The following DPYSL2 variants were observed in gnomAD, a reference collection of about 807,000 sequenced individuals.
DPYSL2 encodes dihydropyrimidinase like 2.
In DPYSL2, 13 loss-of-function variants were observed where a neutral mutation model predicts 69.9. The ratio of observed to expected loss-of-function variants is 0.19; its 90% confidence interval spans 0.12 to 0.30. The LOEUF is 0.30. Ranked by LOEUF, DPYSL2 falls within the 10% of genes least tolerant of loss-of-function variation. The pLI, the probability that DPYSL2 is intolerant of heterozygous loss-of-function variation, is 1.00. For synonymous variants in DPYSL2, 326 were observed against 359.1 expected, an observed-to-expected ratio of 0.91 and a Z score of 1.04; for missense variants, 587 against 918.9, an observed-to-expected ratio of 0.64 and a Z score of 4.67.
At chr8:26,529,547 G>A (rs1800464372) in intron 1 of DPYSL2, among the ~76,000 whole-genome samples, 1 of 151,738 alleles carries the variant, frequency 6.6e-6, no homozygotes, top group African/African-American at 2.4e-5. Context: ...AAACTCCTGG[G>A]CTCAAGGGAT....
chr8:26,595,724 A>G (rs1801846551), intron 3 of DPYSL2, among the ~76,000 whole-genome samples: 1 of 152,180 alleles, frequency 6.6e-6, no homozygotes, highest in Non-Finnish European at 1.5e-5. Flanking sequence ...TGTAGGGCCT[A>G]CCATGCCCAG....
At chr8:26,599,002 A>T (rs963608079) in intron 3 of DPYSL2, among the ~76,000 whole-genome samples, 4 of 152,218 alleles carry the variant, frequency 2.6e-5, no homozygotes, top group African/African-American at 7.2e-5. Context: ...TTCTCTACCG[A>T]AAAGCTCACT....
At chr8:26,584,196 G>A (rs950167864) in intron 3 of DPYSL2, among the ~76,000 whole-genome samples, 12 of 152,158 alleles carry the variant, frequency 7.9e-5, no homozygotes, top group African/African-American at 2.7e-4. Flanking sequence ...TAGAGAATAT[G>A]GTTCTAAGGA....
intron 1 of DPYSL2, among the ~76,000 whole-genome samples, chr8:26,531,774 G>T (rs1800513825): frequency 1.3e-5 from 2 of 151,850 alleles, no homozygotes; most frequent in Admixed American, 6.6e-5. Context: ...GGTACATGAT[G>T]GTCAGCAGTA....
chr8:26,567,057 C>A (rs961758465), intron 1 of DPYSL2, among the ~76,000 whole-genome samples: 6 of 151,802 alleles, frequency 4.0e-5, no homozygotes, highest in African/African-American at 1.2e-4. Context: ...CCCACTCAGC[C>A]ATCCATCCAT....
intron 1 of DPYSL2, among the ~76,000 whole-genome samples, chr8:26,536,871 A>G (rs1272583853): frequency 6.6e-6 from 1 of 152,198 alleles, no homozygotes; most frequent in Non-Finnish European, 1.5e-5. Flanking sequence ...TTGCAGCTGT[A>G]TTGATGGGAA....
intron 1 of DPYSL2, among the ~76,000 whole-genome samples, chr8:26,529,274 ATCATCTATCT>A (rs1274319954): frequency 2.3e-5 from 3 of 131,882 alleles, no homozygotes; most frequent in East Asian, 4.4e-4. Context: ...CTATCTATCT[ATCATCTATCT>A]ATCTATCTAT....
At chr8:26,567,458 T>C (rs531592338) in intron 1 of DPYSL2, among the ~76,000 whole-genome samples, 4 of 152,350 alleles carry the variant, frequency 2.6e-5, no homozygotes, top group African/African-American at 4.8e-5. Flanking sequence ...TGTTTGCCTA[T>C]TACAGGCAAG....
chr8:26,563,758 G>C (rs1282774196), intron 1 of DPYSL2, among the ~76,000 whole-genome samples: 3 of 152,178 alleles, frequency 2.0e-5, no homozygotes, highest in Admixed American at 6.5e-5. Context: ...CTTGTAGAAG[G>C]TAACTTCCAT....
In DPYSL2 at chr8:26,558,973, C is replaced by T. The variant is rs141987415; in HGVS notation, c.355-22996C>T. ...TTATTTATTTTTTGAGACGGAGTCT[C>T]GCTCTGTCTCCCAGACTGGAGTGCA... On this transcript the variant is annotated intron_variant, in intron 1 of 13. Transcript: ENST00000521913. Among the ~76,000 whole-genome samples, 128 of 152,290 alleles carry T rather than the reference C, an allele frequency of 8.4e-4. 1 individual carries two copies. Among genetic ancestry groups the T allele is most frequent in the African/African-American group, 3.0e-3 (123 of 41,560 alleles).
rs1039481480 is a variant in DPYSL2 at position 26,605,451 on chromosome 8, C to T, written c.629-18692C>T. Among the ~76,000 whole-genome samples the T allele has an allele frequency of 8.6e-5, 13 of 151,902 alleles. No homozygotes were observed. The highest frequency in any genetic ancestry group is 2.7e-4 in the African/African-American group (11 of 41,328). Reference sequence around the variant, plus strand: ...GATTACATGCACCCACTACCACACCCAGCTAATTTTTATATTTTTAGTAGA... The same window carrying T: ...GATTACATGCACCCACTACCACACCTAGCTAATTTTTATATTTTTAGTAGA... On this transcript the variant is annotated intron_variant, in intron 3 of 13. Transcript: ENST00000521913. This position sits in a 1 kb window ranked among gnomAD's most constrained non-coding sequence, Gnocchi z 4.1.
At chr8:26,607,193 ATT>A (rs1249275154) in intron 3 of DPYSL2, among the ~76,000 whole-genome samples, 3 of 152,216 alleles carry the variant, frequency 2.0e-5, no homozygotes, top group African/African-American at 4.8e-5. Flanking sequence ...AGTCATTAAA[ATT>A]TATTTTGGGG....
At chr8:26,604,710 T>C (rs1464766579) in intron 3 of DPYSL2, among the ~76,000 whole-genome samples, 4 of 151,912 alleles carry the variant, frequency 2.6e-5, no homozygotes, top group Admixed American at 2.0e-4. Context: ...CTGGAGTGCA[T>C]TGGTGCTATC....
In DPYSL2 at chr8:26,650,121, G is replaced by A. The variant is rs1341304375; in HGVS notation, c.1597-2136G>A. Among the ~76,000 whole-genome samples, 1 of 152,222 alleles carries A rather than the reference G, an allele frequency of 6.6e-6. No individual in the cohort carries two copies. Among genetic ancestry groups the A allele is most frequent in the African/African-American group, 2.4e-5 (1 of 41,460 alleles). ...CTAAATGCCTACTGTGAGCCAAATA[G>A]TGAGCTAGATGCTTTTGTTCATTTT... On this transcript the variant is annotated intron_variant, in intron 11 of 13. Transcript: ENST00000521913. The surrounding 1 kb of genome is among the most constrained non-coding windows in gnomAD (Gnocchi z 5.3).
At chr8:26,639,436 G>A (rs765078238) in intron 8 of DPYSL2, among the ~76,000 whole-genome samples, 14 of 152,230 alleles carry the variant, frequency 9.2e-5, no homozygotes, top group Non-Finnish European at 1.9e-4. Flanking sequence ...CACTTTTAAC[G>A]GCAGATGGTC....
Position 26,648,057 on chromosome 8 carries a change from G to A in DPYSL2, c.1596+257G>A, listed in dbSNP as rs1803209139. On this transcript the variant is annotated intron_variant, in intron 11 of 13. Coordinates refer to ENST00000521913, the MANE Select transcript of DPYSL2 (RefSeq NM_001197293.3). This position sits in a 1 kb window ranked among gnomAD's most constrained non-coding sequence, Gnocchi z 4.3. ...TCTATAGACCTTTAGAGCCTCTAAA[G>A]TGATGTCAGGATGTGCAAAGCTTCC... 6.6e-6 allele frequency among the ~76,000 whole-genome samples: 1 copy of A among 152,188 alleles called. No homozygotes were observed. Among genetic ancestry groups the A allele is most frequent in the South Asian group, 2.1e-4 (1 of 4,820 alleles).
chr8:26,553,723 C>T (rs1423332952), intron 1 of DPYSL2, among the ~76,000 whole-genome samples: 2 of 152,012 alleles, frequency 1.3e-5, no homozygotes, highest in African/African-American at 2.4e-5. Flanking sequence ...AATTTATATT[C>T]CTTTGGGTAT....
At chr8:26,557,547 C>G (rs1275208854) in intron 1 of DPYSL2, among the ~76,000 whole-genome samples, 10 of 140,118 alleles carry the variant, frequency 7.1e-5, no homozygotes, top group Non-Finnish European at 1.2e-4. Flanking sequence ...GGGAGCCGAG[C>G]TAGGTGGATC....
At chr8:26,530,973 G>A (rs1348952128) in intron 1 of DPYSL2, among the ~76,000 whole-genome samples, 6 of 151,728 alleles carry the variant, frequency 4.0e-5, no homozygotes, top group East Asian at 3.9e-4. Flanking sequence ...GTGCGAGGAC[G>A]GTTTGAGCCG....
Sources: allele counts gnomAD v4.1 joint callset (sites outside exome capture counted in the v4.1 genomes callset), GRCh38; gene constraint gnomAD v4.1.1; non-coding constraint Gnocchi (gnomAD v3.1); transcripts MANE v1.5; gene names NCBI Gene and HGNC (gene_info 2026-07-23, HGNC 2026-07-21).